The following PTPRD variants were observed in gnomAD, a reference collection of about 807,000 sequenced individuals.
PTPRD encodes the protein receptor-type tyrosine-protein phosphatase delta.
A neutral mutation model predicts 214.5 loss-of-function variants in PTPRD; 34 were observed. The ratio of observed to expected loss-of-function variants is 0.16; its 90% CI spans 0.12 to 0.21. The LOEUF (loss-of-function observed/expected upper bound fraction) is 0.21, where lower values mean the gene tolerates loss of function less well. Among genes scored for constraint, PTPRD ranks in the 10% least tolerant of loss-of-function variants. PTPRD has a pLI of 1.00. For synonymous variants in PTPRD, 1,128 were observed against 845.7 expected, an observed-to-expected ratio of 1.33 and a Z score of -5.79; for missense variants, 2,545 against 2,398.7, an observed-to-expected ratio of 1.06 and a Z score of -1.27.
chr9:10,107,526 T>C (rs1411292401), intron 3 of PTPRD, among the ~76,000 whole-genome samples: 2 of 152,108 alleles, frequency 1.3e-5, no homozygotes, highest in Admixed American at 6.6e-5. Flanking sequence ...GTTTACTACC[T>C]GTTCTTAAGC....
At chr9:9,408,787 A>G (rs529864894) in intron 8 of PTPRD, among the ~76,000 whole-genome samples, 2 of 151,932 alleles carry the variant, frequency 1.3e-5, no homozygotes, top group Non-Finnish European at 2.9e-5. Flanking sequence ...AATAATGAAC[A>G]TAAAACATCC....
chr9:9,331,268 T>C (rs1461865541), intron 9 of PTPRD, among the ~76,000 whole-genome samples: 2 of 152,108 alleles, frequency 1.3e-5, no homozygotes. Context: ...TCTCTCAGGC[T>C]TTCCTGATGT....
At chr9:9,620,711 A>T (rs1022130286) in intron 7 of PTPRD, among the ~76,000 whole-genome samples, 6 of 152,156 alleles carry the variant, frequency 3.9e-5, no homozygotes, top group Non-Finnish European at 8.8e-5. Flanking sequence ...TTCTGGCTTC[A>T]GAAAAAAAAA....
intron 5 of PTPRD, among the ~76,000 whole-genome samples, chr9:9,842,250 G>A (rs764397295): frequency 1.3e-5 from 2 of 148,964 alleles, no homozygotes; most frequent in Non-Finnish European, 3.0e-5. Context: ...TAATTATGAA[G>A]GGCAATGATT....
At chr9:10,151,463 A>G (rs1004384621) in intron 3 of PTPRD, among the ~76,000 whole-genome samples, 1 of 151,742 alleles carries the variant, frequency 6.6e-6, no homozygotes, top group Admixed American at 6.6e-5. Flanking sequence ...GGGTTTTACC[A>G]TGTTGACCAG....
At chr9:9,352,175 A>G (rs1237341766) in intron 9 of PTPRD, among the ~76,000 whole-genome samples, 1 of 151,762 alleles carries the variant, frequency 6.6e-6, no homozygotes, top group Non-Finnish European at 1.5e-5. Flanking sequence ...CTATGTGCAC[A>G]TGAAGAGCAC....
In PTPRD at chr9:10,120,045, G is replaced by C. The variant is rs112056193; in HGVS notation, c.-544-86255C>G. Among the ~76,000 whole-genome samples the C allele has an allele frequency of 8.2e-3, 1,249 of 152,128 alleles. 26 individuals are homozygous for C. The highest frequency in any genetic ancestry group is 0.029 in the African/African-American group (1,188 of 41,546). On this transcript the variant is annotated intron_variant, in intron 3 of 45. Coordinates refer to ENST00000381196, the MANE Select transcript of PTPRD (RefSeq NM_002839.4). ...AAACTTAGCTTTATGTAGCATGAAA[G>C]GTAATGGCAATCTGCAATAAGCCAC...
At position 9,117,122 on chromosome 9, in the gene PTPRD, C is replaced by G. The variant is rs978735394; in HGVS notation, c.-143+66182G>C. 9.9e-5 allele frequency among the ~76,000 whole-genome samples: 15 copies of G among 152,028 alleles called. No individual in the cohort carries two copies. The South Asian group carries it at 3.1e-3, about 32-fold the overall frequency. Reference sequence around the variant, plus strand: ...GCTATCTGGACACTGAATAGAAACTCTGAAGTAATTTTTGAGCTTGTTGAA... The same window carrying G: ...GCTATCTGGACACTGAATAGAAACTGTGAAGTAATTTTTGAGCTTGTTGAA... On this transcript the variant is annotated intron_variant, in intron 10 of 45. Transcript: ENST00000381196.
At chr9:9,050,087 GC>G (rs1344937179) in intron 10 of PTPRD, among the ~76,000 whole-genome samples, 3 of 152,116 alleles carry the variant, frequency 2.0e-5, no homozygotes, top group Admixed American at 6.6e-5. Flanking sequence ...GCAATTTATT[GC>G]CCATGCAATT....
At chr9:9,855,867 T>C (rs2061460789) in intron 5 of PTPRD, among the ~76,000 whole-genome samples, 1 of 152,212 alleles carries the variant, frequency 6.6e-6, no homozygotes, top group Non-Finnish European at 1.5e-5. Context: ...CTTTAAGCGC[T>C]AGCAGCTCAG....
At chr9:10,411,284 G>T (rs2098433780) in intron 2 of PTPRD, among the ~76,000 whole-genome samples, 1 of 151,526 alleles carries the variant, frequency 6.6e-6, no homozygotes, top group Admixed American at 6.6e-5. Flanking sequence ...ACTACTACTT[G>T]GCAACCAAAA....
intron 2 of PTPRD, among the ~76,000 whole-genome samples, chr9:10,442,573 A>G (rs79719960): frequency 0.076 from 11,528 of 151,664 alleles, 711 homozygotes; most frequent in African/African-American, 0.16. Context: ...AGATAGGTAA[A>G]TTAACAAAGC....
intron 14 of PTPRD, among the ~76,000 whole-genome samples, chr9:8,630,539 G>C (rs950831972): frequency 1.4e-4 from 21 of 151,600 alleles, no homozygotes; most frequent in Non-Finnish European, 2.9e-4. Context: ...ATTATGTTTA[G>C]ACTACCTTTC....
intron 5 of PTPRD, among the ~76,000 whole-genome samples, chr9:9,815,037 C>G (rs1598583098): frequency 6.6e-6 from 1 of 151,906 alleles, no homozygotes; most frequent in Non-Finnish European, 1.5e-5. Flanking sequence ...GTTCGTAAAG[C>G]CTCCCAAACT....
intron 8 of PTPRD, among the ~76,000 whole-genome samples, chr9:9,503,320 G>A (rs182519310): frequency 1.3e-4 from 20 of 150,574 alleles, no homozygotes; most frequent in Non-Finnish European, 2.1e-4. Context: ...TATAGGTCTT[G>A]AATCACAGCA....
At chr9:9,875,385 A>G (rs2066561879) in intron 5 of PTPRD, among the ~76,000 whole-genome samples, 1 of 152,114 alleles carries the variant, frequency 6.6e-6, no homozygotes, top group Admixed American at 6.6e-5. Flanking sequence ...AACAAAAATA[A>G]AAAATAAACT....
At chr9:9,607,639 C>A (rs1285972787) in intron 7 of PTPRD, among the ~76,000 whole-genome samples, 1 of 151,924 alleles carries the variant, frequency 6.6e-6, no homozygotes, top group African/African-American at 2.4e-5. Flanking sequence ...GGTTTAACCT[C>A]AGAGCATCCT....
intron 9 of PTPRD, among the ~76,000 whole-genome samples, chr9:9,242,300 G>C (rs1594366953): frequency 1.3e-5 from 2 of 152,166 alleles, no homozygotes; most frequent in East Asian, 1.9e-4. Flanking sequence ...TGTCAACTTT[G>C]GTGAATCTGA....
intron 3 of PTPRD, among the ~76,000 whole-genome samples, chr9:10,117,428 T>C (rs529618825): frequency 6.6e-6 from 1 of 152,220 alleles, no homozygotes; most frequent in South Asian, 2.1e-4. Flanking sequence ...AAAAATTTAT[T>C]CTGTCACAGT....
Sources: gnomAD v4.1 joint callset for allele counts (sites outside exome capture counted in the v4.1 genomes callset) on GRCh38, gnomAD v4.1.1 for gene constraint, MANE v1.5 for transcripts, NCBI Gene and HGNC (gene_info 2026-07-23, HGNC 2026-07-21) for gene names.